The following SLC36A1 variants were observed in gnomAD, a reference collection of about 807,000 sequenced individuals.
The protein encoded by SLC36A1 is solute carrier family 36 member 1, also known as proton-coupled amino acid transporter 1.
A neutral mutation model predicts 47.5 loss-of-function variants in SLC36A1; 30 were observed. The ratio of observed to expected loss-of-function variants is 0.63; its 90% CI spans 0.47 to 0.86. The LOEUF (loss-of-function observed/expected upper bound fraction) is 0.86, where lower values mean the gene tolerates loss of function less well. SLC36A1 is among the 40% of genes least tolerant of loss of function. The probability of loss-of-function intolerance (pLI) is 0.00; values close to 1 mark genes in which losing one functional copy is unlikely to be tolerated. For synonymous variants in SLC36A1, 255 were observed against 249.7 expected (o/e 1.02, Z -0.20); for missense variants, 517 against 606.0 (o/e 0.85, Z 1.54).
At chr5:151,362,539 T>C in the SLC36A1 span, among the ~76,000 whole-genome samples, 1 of 151,930 alleles carries the variant, frequency 6.6e-6, no homozygotes, top group Non-Finnish European at 1.5e-5. Context: ...TATAGGCACA[T>C]GTCACCATGC....
the SLC36A1 span, among the ~76,000 whole-genome samples, chr5:151,526,635 C>T: frequency 2.6e-5 from 4 of 152,142 alleles, no homozygotes; most frequent in African/African-American, 4.8e-5. Flanking sequence ...TGTGGACTGG[C>T]GATATTCTCA....
At chr5:151,519,764 T>TA in the SLC36A1 span, among the ~76,000 whole-genome samples, 1 of 152,096 alleles carries the variant, frequency 6.6e-6, no homozygotes, top group African/African-American at 2.4e-5. Flanking sequence ...TGTTAAAAAA[T>TA]AAAAAACCTC....
chr5:151,393,061 A>G, the SLC36A1 span, among the ~76,000 whole-genome samples: 16 of 151,580 alleles, frequency 1.1e-4, no homozygotes, highest in Admixed American at 1.0e-3. Flanking sequence ...GTCTCTAAGG[A>G]CTTGCTTTAT....
chr5:151,345,605 T>C, the SLC36A1 span, among the ~76,000 whole-genome samples: 83 of 147,768 alleles, frequency 5.6e-4, no homozygotes, highest in Admixed American at 1.5e-3. Context: ...GGTGTCCACA[T>C]CGCTGACCGA....
At chr5:151,403,133 G>A in the SLC36A1 span, among the ~76,000 whole-genome samples, 2 of 152,124 alleles carry the variant, frequency 1.3e-5, no homozygotes, top group Non-Finnish European at 2.9e-5. Context: ...GCTTCTTGGT[G>A]TAGGCATTTA....
intron 2 of SLC36A1, among the ~76,000 whole-genome samples, chr5:151,461,656 A>C (rs73270300): frequency 0.023 from 3,487 of 152,348 alleles, 140 homozygotes; most frequent in African/African-American, 0.079. Flanking sequence ...TGTAGAAGCA[A>C]TGGTGGGTAA....
At chr5:151,544,840 T>G in the SLC36A1 span, 1 of 1,614,088 alleles carries the variant, frequency 6.2e-7, no homozygotes, top group Non-Finnish European at 8.5e-7. Flanking sequence ...CAAGTCCTCA[T>G]CAGTGGCAGA....
chr5:151,529,506 A>G, the SLC36A1 span: 53 of 793,860 alleles, frequency 6.7e-5, no homozygotes, highest in Non-Finnish European at 8.4e-5. Flanking sequence ...AGGCAAGGTA[A>G]GTGTCCTCTG....
the SLC36A1 span, chr5:151,551,484 G>A: frequency 2.4e-5 from 38 of 1,614,010 alleles, no homozygotes; most frequent in South Asian, 6.6e-5. Flanking sequence ...GCAATGGTGC[G>A]GGACCCATCT....
chr5:151,554,000 A>G, the SLC36A1 span, among the ~76,000 whole-genome samples: 1 of 152,220 alleles, frequency 6.6e-6, no homozygotes, highest in African/African-American at 2.4e-5. Flanking sequence ...AGACGTTCTT[A>G]TCTCCATTTT....
At chr5:151,540,754 G>C in the SLC36A1 span, 5 of 1,613,714 alleles carry the variant, frequency 3.1e-6, 1 homozygote, top group South Asian at 2.2e-5. Context: ...CTGGCCCAGG[G>C]GGTCTCCCTC....
chr5:151,441,491 G>T (rs1052114838), intron 1 of SLC36A1, among the ~76,000 whole-genome samples: 19 of 152,254 alleles, frequency 1.2e-4, no homozygotes, highest in African/African-American at 4.6e-4. Flanking sequence ...TGAGAAAATT[G>T]TGAAGAGTAA....
At chr5:151,401,804 G>T in the SLC36A1 span, among the ~76,000 whole-genome samples, 1 of 151,890 alleles carries the variant, frequency 6.6e-6, no homozygotes. Context: ...TCTTGATTTG[G>T]CTGTCAGCTT....
chr5:151,522,731 G>A, the SLC36A1 span, among the ~76,000 whole-genome samples: 1 of 152,346 alleles, frequency 6.6e-6, no homozygotes, highest in South Asian at 2.1e-4. Context: ...ATGAGAAGAA[G>A]AGGCGACAGA....
the SLC36A1 span, among the ~76,000 whole-genome samples, chr5:151,500,453 C>T: frequency 3.0e-4 from 45 of 152,226 alleles, no homozygotes; most frequent in Non-Finnish European, 5.4e-4. Flanking sequence ...CTGCAAACTC[C>T]GTCTCCTGGG....
the SLC36A1 span, chr5:151,554,615 C>T: frequency 1.2e-6 from 2 of 1,614,004 alleles, no homozygotes; most frequent in South Asian, 1.1e-5. Flanking sequence ...GTCCAAGATG[C>T]CTACCACCAC....
the SLC36A1 span, among the ~76,000 whole-genome samples, chr5:151,402,137 C>A: frequency 6.6e-6 from 1 of 152,044 alleles, no homozygotes; most frequent in African/African-American, 2.4e-5. Context: ...TCATAGATGG[C>A]TTTATTATTT....
chr5:151,397,115 G>T, the SLC36A1 span, among the ~76,000 whole-genome samples: 6 of 152,188 alleles, frequency 3.9e-5, no homozygotes, highest in Non-Finnish European at 8.8e-5. Flanking sequence ...ACCCAATCTC[G>T]TTTGTGGAGT....
At chr5:151,467,516 C>G (rs1329198160) in intron 6 of SLC36A1, among the ~76,000 whole-genome samples, 191 bp from the exon 7 acceptor site, 1 of 152,106 alleles carries the variant, frequency 6.6e-6, no homozygotes, top group Non-Finnish European at 1.5e-5. Context: ...TACATATGAT[C>G]AAACCTAGCT....
Sources: gnomAD v4.1 joint callset for allele counts (sites outside exome capture counted in the v4.1 genomes callset) on GRCh38, gnomAD v4.1.1 for gene constraint, MANE v1.5 for transcripts, NCBI Gene and HGNC (gene_info 2026-07-23, HGNC 2026-07-21) for gene names.